The following RUNDC3B variants were observed in gnomAD, a reference collection of about 807,000 sequenced individuals.
RUNDC3B encodes the protein RUN domain containing 3B, also known as RUN domain-containing protein 3B.
Under a neutral mutation model 58.4 loss-of-function variants are expected in RUNDC3B, and 33 were observed. That is an observed-to-expected ratio of 0.56 (90% CI 0.43 to 0.75). The LOEUF (loss-of-function observed/expected upper bound fraction) is 0.75. Among genes scored for constraint, RUNDC3B ranks in the 30% least tolerant of loss-of-function variants. The probability of loss-of-function intolerance (pLI) is 0.00; values close to 1 mark genes in which losing one functional copy is unlikely to be tolerated. For missense variants in RUNDC3B, 501 were observed against 535.7 expected (o/e 0.94, Z 0.64); for synonymous variants, 193 against 195.2 (o/e 0.99, Z 0.10).
At chr7:87,693,671 T>C (rs1309495528) in intron 2 of RUNDC3B, among the ~76,000 whole-genome samples, 1 of 152,190 alleles carries the variant, frequency 6.6e-6, no homozygotes, top group East Asian at 1.9e-4. Context: ...TATTTTTGAC[T>C]TACAGACACC....
intron 2 of RUNDC3B, among the ~76,000 whole-genome samples, chr7:87,668,334 T>A (rs28746489): frequency 0.01 from 1,526 of 152,056 alleles, 12 homozygotes; most frequent in Admixed American, 0.017. Context: ...GTAGTAACAT[T>A]CCCTTTGTCA....
chr7:87,713,448 G>A (rs1284548684), intron 4 of RUNDC3B: 1 of 152,078 alleles, frequency 6.6e-6, no homozygotes, highest in Non-Finnish European at 1.5e-5. Flanking sequence ...TAAATTTTGA[G>A]TACATGACTA....
intron 2 of RUNDC3B, among the ~76,000 whole-genome samples, chr7:87,658,610 CAAAG>C (rs1210214186): frequency 6.6e-6 from 1 of 151,948 alleles, no homozygotes; most frequent in Non-Finnish European, 1.5e-5. Flanking sequence ...TAAATAAAGA[CAAAG>C]AAAAAATGTT....
intron 3 of RUNDC3B, among the ~76,000 whole-genome samples, chr7:87,702,875 CT>C (rs765627938): frequency 3.5e-4 from 54 of 152,252 alleles, no homozygotes; most frequent in Non-Finnish European, 5.7e-4. Flanking sequence ...CTGAAATACT[CT>C]TGTCCCAAGC....
intron 2 of RUNDC3B, among the ~76,000 whole-genome samples, chr7:87,671,194 G>A (rs1312949217): frequency 6.6e-6 from 1 of 152,180 alleles, no homozygotes; most frequent in Non-Finnish European, 1.5e-5. Context: ...GGGACCTGTG[G>A]GAGACGTACT....
At chr7:87,685,579 A>G (rs543985901) in intron 2 of RUNDC3B, among the ~76,000 whole-genome samples, 7 of 152,314 alleles carry the variant, frequency 4.6e-5, no homozygotes, top group African/African-American at 1.7e-4. Flanking sequence ...AAGAAGCAAA[A>G]CCCTAAAGAT....
intron 8 of RUNDC3B, among the ~76,000 whole-genome samples, chr7:87,800,869 G>A (rs970595249): frequency 2.6e-5 from 4 of 151,994 alleles, no homozygotes; most frequent in Non-Finnish European, 4.4e-5. Context: ...GGCTGGTCTT[G>A]AACTTCTGGG....
intron 4 of RUNDC3B, among the ~76,000 whole-genome samples, chr7:87,729,811 G>T (rs2130791409): frequency 6.6e-6 from 1 of 152,296 alleles, no homozygotes; most frequent in Middle Eastern, 3.4e-3. Context: ...AGCTCTGGAA[G>T]AGACTCCTTC....
At chr7:87,641,553 G>A (rs535748342) in intron 1 of RUNDC3B, among the ~76,000 whole-genome samples, 20 of 152,218 alleles carry the variant, frequency 1.3e-4, no homozygotes, top group South Asian at 4.1e-4. Context: ...ATTTGGGGGC[G>A]ACAGTAAACA....
At position 87,628,734 on chromosome 7, in the gene RUNDC3B, C is replaced by G; in HGVS notation, c.-90C>G. Reference sequence around the variant, plus strand: ...TTCCTACATCCTTCCCGCGCCCCCACGGTTGCGGACCGAGCGAGAACCCCC... The same window carrying G: ...TTCCTACATCCTTCCCGCGCCCCCAGGGTTGCGGACCGAGCGAGAACCCCC... On this transcript the variant is annotated 5_prime_UTR_variant, in exon 1 of 11. Coordinates refer to ENST00000394654, the MANE Select transcript of RUNDC3B (RefSeq NM_001134405.2). 1.3e-6 allele frequency: 1 copy of G among 787,784 alleles called. No individual in the cohort carries two copies. Among genetic ancestry groups the G allele is most frequent in the Middle Eastern group, 4.2e-4 (1 of 2,390 alleles). 48.8% of individuals were successfully genotyped at this position (787,784 alleles called of 1,614,324 possible).
chr7:87,682,349 C>A (rs1827006288), intron 2 of RUNDC3B, among the ~76,000 whole-genome samples: 1 of 152,206 alleles, frequency 6.6e-6, no homozygotes, highest in African/African-American at 2.4e-5. Flanking sequence ...TCTCATAAAT[C>A]TCGAATGTTC....
At chr7:87,660,066 T>G (rs1824531656) in intron 2 of RUNDC3B, among the ~76,000 whole-genome samples, 1 of 152,148 alleles carries the variant, frequency 6.6e-6, no homozygotes. Flanking sequence ...ATTAGTCTGT[T>G]TTGTGCTTTT....
At chr7:87,644,357 T>C (rs1822767238) in intron 1 of RUNDC3B, among the ~76,000 whole-genome samples, 1 of 152,230 alleles carries the variant, frequency 6.6e-6, no homozygotes. Flanking sequence ...CTGACTGTTA[T>C]TTTAATGGCA....
At chr7:87,725,576 C>T (rs573662119) in intron 4 of RUNDC3B, among the ~76,000 whole-genome samples, 5 of 152,264 alleles carry the variant, frequency 3.3e-5, no homozygotes, top group African/African-American at 1.2e-4. Context: ...TTTATAGCAG[C>T]ATGATTTATA....
chr7:87,768,142 C>G (rs1356510272), intron 6 of RUNDC3B, among the ~76,000 whole-genome samples: 2 of 152,132 alleles, frequency 1.3e-5, no homozygotes, highest in East Asian at 3.9e-4. Flanking sequence ...GTGTCAACCT[C>G]TAGTAGGAAA....
chr7:87,678,637 A>G (rs1017227498), intron 2 of RUNDC3B, among the ~76,000 whole-genome samples: 1 of 152,238 alleles, frequency 6.6e-6, no homozygotes, highest in Admixed American at 6.5e-5. Flanking sequence ...TAAGCACTCC[A>G]ATTAAAAGAG....
At chr7:87,642,374 C>T (rs1822545920) in intron 1 of RUNDC3B, among the ~76,000 whole-genome samples, 2 of 151,900 alleles carry the variant, frequency 1.3e-5, no homozygotes, top group South Asian at 4.1e-4. Context: ...TAATGTCTAG[C>T]TTACTAGGAA....
chr7:87,777,671 C>A, intron 7 of RUNDC3B, 127 bp from the exon 8 acceptor site: 1 of 636,624 alleles, frequency 1.6e-6, no homozygotes, highest in Non-Finnish European at 2.6e-6. Context: ...ACTAATTTAT[C>A]AGTAATGCTT....
At chr7:87,658,580 A>G (rs1415195360) in intron 2 of RUNDC3B, among the ~76,000 whole-genome samples, 1 of 152,230 alleles carries the variant, frequency 6.6e-6, no homozygotes, top group South Asian at 2.1e-4. Context: ...TTCATGCCAA[A>G]GGCACGATAA....
Sources: gnomAD v4.1 joint callset for allele counts (sites outside exome capture counted in the v4.1 genomes callset) on GRCh38, gnomAD v4.1.1 for gene constraint, MANE v1.5 for transcripts, NCBI Gene and HGNC (gene_info 2026-07-23, HGNC 2026-07-21) for gene names.